Variants in MERTK observed in about 807,000 individuals in gnomAD.
The protein encoded by MERTK is tyrosine-protein kinase Mer.
MERTK carries 69 observed loss-of-function variants against 99.3 expected under a neutral mutation model. The ratio of observed to expected loss-of-function variants is 0.70; its 90% CI spans 0.57 to 0.85. MERTK has a LOEUF of 0.85. MERTK is among the 40% of genes least tolerant of loss of function. The pLI, the probability that MERTK is intolerant of heterozygous loss-of-function variation, is 0.00. For synonymous variants in MERTK, 426 were observed against 467.6 expected, an observed-to-expected ratio of 0.91 and a Z score of 1.15; for missense variants, 1,125 against 1,249.4, an observed-to-expected ratio of 0.90 and a Z score of 1.50.
At position 111,934,263 on chromosome 2, in the gene MERTK, G is replaced by T. The variant is rs183100517; in HGVS notation, c.482+4723G>T. On this transcript the variant is annotated intron_variant, in intron 2 of 18. Transcript: ENST00000295408. Reference sequence around the variant, plus strand: ...AGTAATGGGATTGCTGGGTCAAATGGTATTTCTGGTTCTAGATCCTTGAGG... The same window carrying T: ...AGTAATGGGATTGCTGGGTCAAATGTTATTTCTGGTTCTAGATCCTTGAGG... Among the ~76,000 whole-genome samples, 827 of 152,260 alleles carry T rather than the reference G, an allele frequency of 5.4e-3. 9 individuals are homozygous for T. Among genetic ancestry groups the T allele is most frequent in the African/African-American group, 0.019 (798 of 41,542 alleles).
At position 112,003,900 on chromosome 2, in the gene MERTK, A is replaced by G. The variant is rs745804135; in HGVS notation, c.1787-4A>G. On this transcript the variant is annotated splice_polypyrimidine_tract_variant and splice_region_variant and intron_variant, in intron 12 of 18. Transcript: ENST00000295408. ...GTCCATACAGGTGTTCTTTCACTTCACAGGAGAGTTTGGGTCTGTAATGGA... is the reference window on the plus strand; with the variant it reads ...GTCCATACAGGTGTTCTTTCACTTCGCAGGAGAGTTTGGGTCTGTAATGGA... 1 of 1,611,584 alleles carries G rather than the reference A, an allele frequency of 6.2e-7. No homozygotes were observed. The highest frequency in any genetic ancestry group is 8.5e-7 in the Non-Finnish European group (1 of 1,177,758).
At chr2:111,964,303 G>C (rs1034707881) in intron 4 of MERTK, among the ~76,000 whole-genome samples, 15 of 151,682 alleles carry the variant, frequency 9.9e-5, no homozygotes, top group African/African-American at 3.4e-4. Context: ...AATTGTTCCA[G>C]CTTTGGCCAT....
chr2:111,939,100 A>C (rs537374712), intron 2 of MERTK, among the ~76,000 whole-genome samples: 2 of 152,294 alleles, frequency 1.3e-5, no homozygotes, highest in South Asian at 2.1e-4. Flanking sequence ...ATTATAAAGA[A>C]AGGAAATTTA....
At chr2:111,981,571 A>G (rs542269424) in intron 7 of MERTK, among the ~76,000 whole-genome samples, 1 of 152,314 alleles carries the variant, frequency 6.6e-6, no homozygotes, top group South Asian at 2.1e-4. Context: ...TTATGCTGCA[A>G]TGAATATAAC....
At position 111,968,226 on chromosome 2, in the gene MERTK, T is replaced by G; in HGVS notation, c.934T>G (p.Ser312Ala). The G allele has an allele frequency of 4.3e-6, 7 of 1,613,812 alleles. No individual in the cohort carries two copies. The highest frequency in any genetic ancestry group is 5.9e-6 in the Non-Finnish European group (7 of 1,179,806). ...CTGGGTTCCTGGTTTTGATGGATACTCCCCGTTCAGGAATTGCAGCATTCA... is the reference window on the plus strand; with the variant it reads ...CTGGGTTCCTGGTTTTGATGGATACGCCCCGTTCAGGAATTGCAGCATTCA... ...ISWVPGFDGY[S>A]PFRNCSIQVK... Residue 312 changes from serine (S) to alanine (A), a missense_variant, in exon 6 of 19, where the codon TCC (serine) becomes GCC (alanine). Physicochemically the swap from Ser to Ala is moderately conservative, Grantham distance 99. Coordinates refer to ENST00000295408, the MANE Select transcript of MERTK (RefSeq NM_006343.3).
At chr2:111,992,809 C>T (rs1235334277) in intron 8 of MERTK, among the ~76,000 whole-genome samples, 1 of 151,758 alleles carries the variant, frequency 6.6e-6, no homozygotes, top group African/African-American at 2.4e-5. Flanking sequence ...AATGTCTTTT[C>T]CTAAGTTCTG....
intron 1 of MERTK, among the ~76,000 whole-genome samples, chr2:111,900,739 T>C (rs1367829974): frequency 6.6e-6 from 1 of 152,220 alleles, no homozygotes; most frequent in Non-Finnish European, 1.5e-5. Flanking sequence ...ACCTATGAGA[T>C]GTGTGACAGT....
intron 9 of MERTK, chr2:111,995,180 T>C (rs972873336): frequency 1.3e-5 from 2 of 155,606 alleles, no homozygotes; most frequent in Admixed American, 1.3e-4. Flanking sequence ...ATATTTCCTA[T>C]GGAAGCCATC....
At chr2:111,963,370 C>A (rs1685291452) in intron 4 of MERTK, among the ~76,000 whole-genome samples, 1 of 152,208 alleles carries the variant, frequency 6.6e-6, no homozygotes, top group Admixed American at 6.5e-5. Context: ...TTATACTAAT[C>A]CTCCTCAGCA....
At chr2:111,900,347 G>A (rs1202396067) in intron 1 of MERTK, among the ~76,000 whole-genome samples, 1 of 152,156 alleles carries the variant, frequency 6.6e-6, no homozygotes, top group African/African-American at 2.4e-5. Context: ...AAGAACTAAA[G>A]CAGTTCTGTT....
chr2:111,939,529 T>C (rs1684822816), intron 2 of MERTK, among the ~76,000 whole-genome samples: 1 of 152,044 alleles, frequency 6.6e-6, no homozygotes, highest in Non-Finnish European at 1.5e-5. Context: ...TCTTCCAGGC[T>C]GCAGTGCAGT....
chr2:111,976,725 T>G (rs1244972006), intron 7 of MERTK, among the ~76,000 whole-genome samples: 1 of 151,796 alleles, frequency 6.6e-6, no homozygotes, highest in African/African-American at 2.4e-5. Flanking sequence ...TTTCTTCTTT[T>G]TCTTCATTTA....
chr2:112,029,249 CCATATTTGACTTGG>C lies in MERTK; in HGVS notation c.*387_*400del. 1 of 984,326 alleles carries C rather than the reference CCATATTTGACTTGG, an allele frequency of 1.0e-6. No homozygotes were observed. Among genetic ancestry groups the C allele is most frequent in the Non-Finnish European group, 1.2e-6 (1 of 823,396 alleles). 61.0% of individuals were successfully genotyped at this position (984,326 alleles called of 1,614,324 possible). A position where few individuals can be genotyped will look rare whatever the true frequency, so the allele number is the denominator to read the frequency against. ...GTAAAAATATTTGTAAAATGAAATG[CCATATTTGACTTGG>C]CTTCTGGTCTTGATGTATTTGATAA... On this transcript the variant is annotated 3_prime_UTR_variant, in exon 19 of 19. Transcript: ENST00000295408.
rs1407944733 is a variant in MERTK at position 111,947,380 on chromosome 2, C to T, written c.584-14C>T. On this transcript the variant is annotated splice_polypyrimidine_tract_variant and intron_variant, in intron 3 of 18. Coordinates refer to ENST00000295408, the MANE Select transcript of MERTK (RefSeq NM_006343.3). ...AGATCTGAAACATTCTTTTGTGTAA[C>T]GTTTTCTCCGCAGGACTTCCTCACT... 9 of 1,584,974 alleles carry T rather than the reference C, an allele frequency of 5.7e-6. No homozygotes were observed. The highest frequency in any genetic ancestry group is 2.3e-5 in the East Asian group (1 of 42,620).
intron 15 of MERTK, among the ~76,000 whole-genome samples, chr2:112,016,304 T>G (rs532196536): frequency 1.1e-4 from 17 of 152,296 alleles, no homozygotes; most frequent in Non-Finnish European, 1.8e-4. Context: ...AAAATACAAG[T>G]GTATTTTCAA....
intron 2 of MERTK, among the ~76,000 whole-genome samples, chr2:111,932,309 GT>G (rs1459621234): frequency 6.6e-6 from 1 of 152,108 alleles, no homozygotes; most frequent in Non-Finnish European, 1.5e-5. Context: ...AGCCTCCCGA[GT>G]AGCTGGGACT....
chr2:111,984,945 G>C (rs2104742968), intron 8 of MERTK, among the ~76,000 whole-genome samples: 1 of 152,258 alleles, frequency 6.6e-6, no homozygotes, highest in East Asian at 1.9e-4. Context: ...AACTGGGTAG[G>C]GGTATCGTAG....
chr2:111,957,356 CAT>C (rs1356291899), intron 4 of MERTK, among the ~76,000 whole-genome samples: 1 of 152,136 alleles, frequency 6.6e-6, no homozygotes, highest in African/African-American at 2.4e-5. Context: ...GCCTCTCCCA[CAT>C]GTTGCCTCTG....
chr2:111,967,985 A>C (rs1179695137), intron 5 of MERTK, 152 bp from the exon 6 acceptor site: 4 of 689,206 alleles, frequency 5.8e-6, no homozygotes, highest in Non-Finnish European at 1.0e-5. Flanking sequence ...AATTACCCTC[A>C]GGCATAGGGA....
Sources: allele counts gnomAD v4.1 joint callset (sites outside exome capture counted in the v4.1 genomes callset), GRCh38; gene constraint gnomAD v4.1.1; transcripts MANE v1.5; gene names NCBI Gene and HGNC (gene_info 2026-07-23, HGNC 2026-07-21).